Variants in PLXNA4 observed in about 807,000 individuals in gnomAD.
PLXNA4 encodes plexin A4, also known as plexin-A4.
A neutral mutation model predicts 191.8 loss-of-function variants in PLXNA4; 44 were observed. The ratio of observed to expected loss-of-function variants is 0.23; its 90% confidence interval spans 0.18 to 0.29. The LOEUF (loss-of-function observed/expected upper bound fraction) is 0.29, where lower values mean the gene tolerates loss of function less well. Ranked by LOEUF, PLXNA4 falls within the 10% of genes least tolerant of loss-of-function variation. The pLI, the probability that PLXNA4 is intolerant of heterozygous loss-of-function variation, is 1.00. For missense variants in PLXNA4, 1,800 were observed against 2,488.8 expected (o/e 0.72, Z 5.89); for synonymous variants, 1,082 against 1,009.5 (o/e 1.07, Z -1.36).
intron 3 of PLXNA4, among the ~76,000 whole-genome samples, chr7:132,481,656 T>C (rs942510001): frequency 6.6e-6 from 1 of 152,100 alleles, no homozygotes; most frequent in Admixed American, 6.5e-5. Flanking sequence ...CCCCAAACAC[T>C]AAGGAAACGA....
chr7:132,460,752 C>T (rs773678713), intron 3 of PLXNA4, among the ~76,000 whole-genome samples: 2 of 152,132 alleles, frequency 1.3e-5, no homozygotes, highest in Non-Finnish European at 2.9e-5. Context: ...CCACACATCA[C>T]CCACCACAAG....
chr7:132,467,650 G>A (rs117744271), intron 3 of PLXNA4, among the ~76,000 whole-genome samples: 4,130 of 152,306 alleles, frequency 0.027, 79 homozygotes, highest in Non-Finnish European at 0.042. Context: ...AACTGCCAAA[G>A]ATCACAAAAT....
intron 5 of PLXNA4, among the ~76,000 whole-genome samples, chr7:132,235,062 T>C (rs1798651648): frequency 6.6e-6 from 1 of 152,250 alleles, no homozygotes; most frequent in Non-Finnish European, 1.5e-5. Context: ...CATGGCTGGT[T>C]GAAGCCTTCC....
chr7:132,324,815 T>C (rs546905146), intron 3 of PLXNA4, among the ~76,000 whole-genome samples: 2 of 152,226 alleles, frequency 1.3e-5, no homozygotes, highest in East Asian at 3.9e-4. Context: ...GGTAGGGACA[T>C]CAGAAATGGG....
At chr7:132,238,773 G>C (rs956730003) in intron 5 of PLXNA4, among the ~76,000 whole-genome samples, 1 of 152,052 alleles carries the variant, frequency 6.6e-6, no homozygotes, top group Non-Finnish European at 1.5e-5. Flanking sequence ...AGTTACAGTA[G>C]AGCCATCTGG....
At chr7:132,562,995 C>T (rs1585347832) in intron 1 of PLXNA4, among the ~76,000 whole-genome samples, 1 of 116,518 alleles carries the variant, frequency 8.6e-6, no homozygotes, top group Non-Finnish European at 1.8e-5. Context: ...TCTCCTCCTC[C>T]TCCTCCTTCT....
intron 1 of PLXNA4, among the ~76,000 whole-genome samples, chr7:132,517,397 T>C (rs887592319): frequency 1.3e-5 from 2 of 152,188 alleles, no homozygotes; most frequent in African/African-American, 4.8e-5. Flanking sequence ...TGAGGCCCTA[T>C]AGGATGGTGG....
chr7:132,638,279 A>T (rs372532760), intron 2 of PLXNA4, among the ~76,000 whole-genome samples: 4 of 152,334 alleles, frequency 2.6e-5, no homozygotes, highest in African/African-American at 9.6e-5. Flanking sequence ...TCATGAGCAG[A>T]TCAACACACA....
chr7:132,544,099 A>G (rs751759730), intron 1 of PLXNA4, among the ~76,000 whole-genome samples: 2 of 152,246 alleles, frequency 1.3e-5, no homozygotes, highest in Non-Finnish European at 2.9e-5. Flanking sequence ...AAGAGAAAGA[A>G]GAATCAAAGA....
chr7:132,405,078 GTGTGTGTGTGTGTGCATGTATGCA>G (rs1488268988), intron 3 of PLXNA4, among the ~76,000 whole-genome samples: 1 of 151,158 alleles, frequency 6.6e-6, no homozygotes, highest in African/African-American at 2.4e-5. Flanking sequence ...GTGTATGTGT[GTGTGTGTGTGTGTGCATGTATGCA>G]TGTGTGTGTG....
At chr7:132,340,524 G>A (rs1802986815) in intron 3 of PLXNA4, among the ~76,000 whole-genome samples, 1 of 152,186 alleles carries the variant, frequency 6.6e-6, no homozygotes, top group African/African-American at 2.4e-5. Flanking sequence ...AGTGAGCTGT[G>A]AATTTAGTGT....
intron 14 of PLXNA4, 151 bp from the exon 15 acceptor site, chr7:132,187,758 C>T (rs1021839231): frequency 2.2e-6 from 3 of 1,379,506 alleles, no homozygotes; most frequent in East Asian, 4.9e-5. Context: ...TTCTCTTAGG[C>T]TTGCGTGGAT....
At chr7:132,406,876 G>C (rs1410058552) in intron 3 of PLXNA4, among the ~76,000 whole-genome samples, 1 of 152,170 alleles carries the variant, frequency 6.6e-6, no homozygotes, top group African/African-American at 2.4e-5. Context: ...AGAGAAGGTT[G>C]AGTGGGCACC....
At chr7:132,489,842 A>G (rs1797713688) in intron 2 of PLXNA4, among the ~76,000 whole-genome samples, 1 of 152,200 alleles carries the variant, frequency 6.6e-6, no homozygotes, top group Non-Finnish European at 1.5e-5. Flanking sequence ...AGCCCAGATG[A>G]GCAGGGGCTC....
intron 3 of PLXNA4, among the ~76,000 whole-genome samples, chr7:132,396,774 G>A (rs1160256071): frequency 6.6e-6 from 1 of 152,246 alleles, no homozygotes; most frequent in Non-Finnish European, 1.5e-5. Flanking sequence ...TTACAGGTGT[G>A]AGCCACCGCG....
chr7:132,154,605 C>T (rs926318504), intron 25 of PLXNA4, among the ~76,000 whole-genome samples: 6 of 152,156 alleles, frequency 3.9e-5, no homozygotes, highest in Non-Finnish European at 7.4e-5. Flanking sequence ...GGCTGAGCCC[C>T]GCTTCCTGAT....
intron 3 of PLXNA4, among the ~76,000 whole-genome samples, chr7:132,360,911 C>G (rs1330433823): frequency 6.6e-6 from 1 of 152,212 alleles, no homozygotes; most frequent in African/African-American, 2.4e-5. Flanking sequence ...CATTTTATCC[C>G]TGGTGGTGGC....
At chr7:132,191,831 T>C (rs1033937780) in intron 14 of PLXNA4, among the ~76,000 whole-genome samples, 14 of 141,742 alleles carry the variant, frequency 9.9e-5, no homozygotes, top group South Asian at 7.0e-4. Flanking sequence ...TATATATATA[T>C]ATACACACAC....
intron 31 of PLXNA4, among the ~76,000 whole-genome samples, chr7:132,131,039 T>C (rs74541132): frequency 0.016 from 2,368 of 152,232 alleles, 66 homozygotes; most frequent in African/African-American, 0.054. Context: ...ATCCATCAGC[T>C]CCTTGAGGCC....
Sources: allele counts gnomAD v4.1 joint callset (sites outside exome capture counted in the v4.1 genomes callset), GRCh38; gene constraint gnomAD v4.1.1; transcripts MANE v1.5; gene names NCBI Gene and HGNC (gene_info 2026-07-23, HGNC 2026-07-21).